Variants in GPR157 observed in about 807,000 individuals in gnomAD.
GPR157 encodes G-protein coupled receptor 157.
A neutral mutation model predicts 23.5 loss-of-function variants in GPR157; 16 were observed. The ratio of observed to expected loss-of-function variants is 0.68; its 90% confidence interval spans 0.46 to 1.04. The LOEUF (loss-of-function observed/expected upper bound fraction) is 1.04, where lower values mean the gene tolerates loss of function less well. Ranked by LOEUF, GPR157 falls within the 50% of genes least tolerant of loss-of-function variation. The pLI is 0.00. For synonymous variants in GPR157, 200 were observed against 221.5 expected, an observed-to-expected ratio of 0.90 and a Z score of 0.86; for missense variants, 440 against 460.7, an observed-to-expected ratio of 0.96 and a Z score of 0.41.
chr1:9,123,525 AAT>A (rs1638878465), intron 1 of GPR157, among the ~76,000 whole-genome samples: 1 of 53,506 alleles, frequency 1.9e-5, no homozygotes, highest in Non-Finnish European at 3.1e-5. Flanking sequence ...ATTTAATTTA[AAT>A]ATATATTTAA....
chr1:9,111,241 T>G, intron 2 of GPR157, 35 bp downstream of exon 2: 1 of 1,603,182 alleles, frequency 6.2e-7, no homozygotes. Flanking sequence ...ACAGCGGCCA[T>G]GCAGAGGGCC....
intron 1 of GPR157, among the ~76,000 whole-genome samples, chr1:9,112,667 G>A (rs1456943564): frequency 6.6e-6 from 1 of 152,178 alleles, no homozygotes; most frequent in South Asian, 2.1e-4. Flanking sequence ...TGGCCAGCCT[G>A]GTCTTGAACT....
At chr1:9,126,949 A>C (rs1638974825) in intron 1 of GPR157, among the ~76,000 whole-genome samples, 1 of 150,540 alleles carries the variant, frequency 6.6e-6, no homozygotes, top group Non-Finnish European at 1.5e-5. Context: ...CTCTGTCTGC[A>C]ATCATAGCTC....
chr1:9,116,475 T>A (rs893727313), intron 1 of GPR157, among the ~76,000 whole-genome samples: 2 of 136,512 alleles, frequency 1.5e-5, no homozygotes, highest in African/African-American at 5.5e-5. Flanking sequence ...GGCTTTTTTT[T>A]TTTATTTTAT....
chr1:9,116,348 A>ATTATATAT (rs1245174968), intron 1 of GPR157, among the ~76,000 whole-genome samples: 1 of 20,448 alleles, frequency 4.9e-5, no homozygotes, highest in East Asian at 0.018. Flanking sequence ...ATTTATATAT[A>ATTATATAT]ATTATATATA....
intron 3 of GPR157, 36 bp from the exon 4 acceptor site, chr1:9,104,670 G>A: frequency 6.7e-7 from 1 of 1,497,084 alleles, no homozygotes; most frequent in Non-Finnish European, 9.1e-7. Context: ...CATGGGGCTG[G>A]AGTTGGTCTC....
chr1:9,116,029 C>G (rs1266158719), intron 1 of GPR157, among the ~76,000 whole-genome samples: 6 of 141,842 alleles, frequency 4.2e-5, no homozygotes, highest in African/African-American at 1.6e-4. Context: ...ATAAATCAAG[C>G]CTTGATTTGT....
rs1380766225 is a variant in GPR157 at position 9,105,533 on chromosome 1, G to A, written c.745C>T (p.Leu249Phe). ...GTCTGCACGGCCGGGGAGCCACAGA[G>A]GGTCAGCACGAACCGCACGGTGCTC... ...VWSTVRFVLT[L>F]CGSPAVQTPV... The change falls in exon 3 of 4, where the codon CTC becomes TTC. Residue 249 changes from leucine (L) to phenylalanine (F), a missense_variant. Physicochemically the swap from Leu to Phe is conservative, Grantham distance 22. Transcript: ENST00000377411. This position sits in a 1 kb window ranked among gnomAD's most constrained non-coding sequence, Gnocchi z 4.8. 2 of 1,593,414 alleles carry A rather than the reference G, an allele frequency of 1.3e-6. No homozygotes were observed. The highest frequency in any genetic ancestry group is 1.7e-6 in the Non-Finnish European group (2 of 1,170,968).
In GPR157 at chr1:9,101,674, G is replaced by GA. The variant is rs1384980107; in HGVS notation, c.*2744dup. The GA allele has an allele frequency of 1.3e-5, 2 of 152,178 alleles. No homozygotes were observed. The highest frequency in any genetic ancestry group is 4.8e-5 in the African/African-American group (2 of 41,424). 9.4% of individuals were successfully genotyped at this position (152,178 alleles called of 1,614,324 possible). A position where few individuals can be genotyped will look rare whatever the true frequency, so the allele number is the denominator to read the frequency against. ...AGTGGCCAGTGGCATCAAAGAAATG[G>GA]AATGAGAACTTGAGCCCAGGCACCC... On this transcript the variant is annotated 3_prime_UTR_variant, in exon 4 of 4. Coordinates refer to ENST00000377411, the MANE Select transcript of GPR157 (RefSeq NM_024980.5).
chr1:9,128,645 C>T lies in GPR157; in HGVS notation c.383G>A (p.Ser128Asn). Residue 128 changes from serine to asparagine, a missense_variant and splice_region_variant, in exon 1 of 4, where the codon AGC (serine) becomes AAC (asparagine). By Grantham distance (46) the Ser-to-Asn change is conservative. Transcript: ENST00000377411. This position sits in a 1 kb window ranked among gnomAD's most constrained non-coding sequence, Gnocchi z 6.3. The part of the protein sequence containing the change: ...DRLLWAFHVV[S>N]WGVPLVITVA... ...GAAAAGCAGCGCCACCGCCACCCAC[C>T]TGACGACATGGAAGGCCCAAAGCAG... 1 of 1,612,706 alleles carries T rather than the reference C, an allele frequency of 6.2e-7. No individual in the cohort carries two copies. The highest frequency in any genetic ancestry group is 8.5e-7 in the Non-Finnish European group (1 of 1,179,772).
chr1:9,117,190 C>T (rs1398097546), intron 1 of GPR157, among the ~76,000 whole-genome samples: 4 of 152,168 alleles, frequency 2.6e-5, no homozygotes, highest in Non-Finnish European at 4.4e-5. Context: ...ATCTAACAAT[C>T]AGCTCACAAA....
Position 9,123,639 on chromosome 1 carries a change from ATTAATATTAAATATATATTAAATATATAT to A in GPR157, c.383+4977_383+5005del, listed in dbSNP as rs1354003584. 3.0e-4 allele frequency among the ~76,000 whole-genome samples: 31 copies of A among 104,512 alleles called. 1 individual carries two copies. The highest frequency in any genetic ancestry group is 2.3e-3 in the Admixed American group (18 of 7,766). The allele number at this position is 104,512 out of a possible 152,430, so 68.6% of individuals were successfully genotyped here. A position where few individuals can be genotyped will look rare whatever the true frequency, so the allele number is the denominator to read the frequency against. ...AAAATTAAATATATTTTAAATATAC[ATTAATATTAAATATATATTAAATATATAT>A]TTAATATTAAATATATATTTAATAT... On this transcript the variant is annotated intron_variant, in intron 1 of 3. Transcript: ENST00000377411.
At chr1:9,117,850 T>TC (rs1161781813) in intron 1 of GPR157, among the ~76,000 whole-genome samples, 6 of 151,418 alleles carry the variant, frequency 4.0e-5, no homozygotes, top group African/African-American at 1.5e-4. Flanking sequence ...TAACAGTTTT[T>TC]CCCCCCTTCA....
intron 1 of GPR157, among the ~76,000 whole-genome samples, chr1:9,116,304 T>TAATATATATATAATTATA (rs1557698155): frequency 2.7e-4 from 3 of 11,236 alleles, no homozygotes; most frequent in Admixed American, 2.4e-3. Flanking sequence ...ATTATATATA[T>TAATATATATATAATTATA]TATATTATAT....
At position 9,116,298 on chromosome 1, in the gene GPR157, T is replaced by TAGATATA. The variant is rs1557698136; in HGVS notation, c.384-4810_384-4809insTATATCT. Among the ~76,000 whole-genome samples the TAGATATA allele has an allele frequency of 9.5e-3, 190 of 19,970 alleles. 1 individual carries two copies. The highest frequency in any genetic ancestry group is 0.015 in the East Asian group (1 of 68). The allele number at this position is 19,970 out of a possible 152,430, so 13.1% of individuals were successfully genotyped here. ...TTATATATAAATTATATATAAATTA[T>TAGATATA]ATATATTATATTATATATAATATAT... On this transcript the variant is annotated intron_variant, in intron 1 of 3. Coordinates refer to ENST00000377411, the MANE Select transcript of GPR157 (RefSeq NM_024980.5).
chr1:9,109,012 G>A (rs756991879), intron 2 of GPR157, among the ~76,000 whole-genome samples: 3 of 151,400 alleles, frequency 2.0e-5, no homozygotes, highest in Non-Finnish European at 2.9e-5. Context: ...TCCCGACCTC[G>A]TGATCTGCAC....
In GPR157 at chr1:9,105,572, C is replaced by T. The variant is rs939789941; in HGVS notation, c.706G>A (p.Gly236Ser). ...KLVLIPLIFI[G>S]LRVWSTVRFV... The stretch of plus-strand genomic sequence containing the variant: ...CGCACGGTGCTCCAGACCCTGAGGC[C>T]GATGAAGATGAGCGGGATGAGCACC... The change falls in exon 3 of 4, where the codon GGC (glycine) becomes AGC (serine). Residue 236 changes from glycine (G) to serine (S), a missense_variant. Transcript: ENST00000377411. This position sits in a 1 kb window ranked among gnomAD's most constrained non-coding sequence, Gnocchi z 4.8. The T allele has an allele frequency of 6.2e-7, 1 of 1,609,042 alleles. No homozygotes were observed. The highest frequency in any genetic ancestry group is 8.5e-7 in the Non-Finnish European group (1 of 1,178,438).
At chr1:9,107,107 C>T (rs1638360363) in intron 2 of GPR157, among the ~76,000 whole-genome samples, 1 of 152,184 alleles carries the variant, frequency 6.6e-6, no homozygotes, top group African/African-American at 2.4e-5. Flanking sequence ...CACCCTTGTT[C>T]CTTGGGCTTA....
In GPR157 at chr1:9,128,565, C is replaced by T. The variant is rs1370422925; in HGVS notation, c.383+80G>A. On this transcript the variant is annotated intron_variant, in intron 1 of 3. Transcript: ENST00000377411. The surrounding 1 kb of genome is among the most constrained non-coding windows in gnomAD (Gnocchi z 6.3). ...GTGGGTAGGGGGTGTCCAACCTAGA[C>T]GCGGCCTCTGGGAGGGCAAGACCGG... is the stretch of plus-strand genomic sequence containing the variant. The T allele has an allele frequency of 1.5e-6, 2 of 1,372,080 alleles. No homozygotes were observed. Among genetic ancestry groups the T allele is most frequent in the Non-Finnish European group, 1.0e-6 (1 of 977,660 alleles). The allele number at this position is 1,372,080 out of a possible 1,614,324, so 85.0% of individuals were successfully genotyped here.
Sources: allele counts gnomAD v4.1 joint callset (sites outside exome capture counted in the v4.1 genomes callset), GRCh38; gene constraint gnomAD v4.1.1; non-coding constraint Gnocchi (gnomAD v3.1); transcripts MANE v1.5; gene names NCBI Gene and HGNC (gene_info 2026-07-23, HGNC 2026-07-21).